Variants in PTCH1 observed in about 807,000 individuals in gnomAD.
The protein encoded by PTCH1 is patched 1.
PTCH1 carries 14 observed loss-of-function variants against 144.6 expected under a neutral mutation model. That is an observed-to-expected ratio of 0.10 (90% CI 0.06 to 0.15). The LOEUF (loss-of-function observed/expected upper bound fraction) is 0.15, where lower values mean the gene tolerates loss of function less well. Ranked by LOEUF, PTCH1 falls within the 10% of genes least tolerant of loss-of-function variation. The pLI, the probability that PTCH1 is intolerant of heterozygous loss-of-function variation, is 1.00. For synonymous variants in PTCH1, 833 were observed against 793.6 expected (o/e 1.05, Z -0.83); for missense variants, 1,623 against 1,948.3 (o/e 0.83, Z 3.14).
intron 2 of PTCH1, among the ~76,000 whole-genome samples, chr9:95,488,361 T>C (rs1481974019): frequency 2.0e-5 from 3 of 152,208 alleles, no homozygotes; most frequent in Non-Finnish European, 4.4e-5. Context: ...ACTATCATGA[T>C]AGGGTGGCCA....
At chr9:95,450,048 A>C in intron 20 of PTCH1, 108 bp from the exon 21 acceptor site, 2 of 989,978 alleles carry the variant, frequency 2.0e-6, no homozygotes, top group Non-Finnish European at 3.2e-6. Flanking sequence ...AACAAAACCC[A>C]CCCCACTGAA....
At position 95,473,821 on chromosome 9, in the gene PTCH1, C is replaced by T. The variant is rs374270768; in HGVS notation, c.1728+2213G>A. On this transcript the variant is annotated intron_variant, in intron 12 of 23. Coordinates refer to ENST00000331920, the MANE Select transcript of PTCH1 (RefSeq NM_000264.5). ...CCTCCCAAAGTGCTGGGATTACAGG[C>T]GTGAGCCACCGTGCGAAGCACTCCT... Among the ~76,000 whole-genome samples the T allele has an allele frequency of 2.2e-4, 33 of 152,286 alleles. No homozygotes were observed. The East Asian group carries it at 5.0e-3, about 23-fold the overall frequency.
chr9:95,510,777 T>G (rs1175240976), upstream of PTCH1, among the ~76,000 whole-genome samples: 3 of 148,030 alleles, frequency 2.0e-5, no homozygotes, highest in Non-Finnish European at 3.0e-5. Flanking sequence ...GAAACCCAGA[T>G]GGAGGGAAAG....
At chr9:95,457,596 T>C (rs1455870799) in intron 18 of PTCH1, among the ~76,000 whole-genome samples, 6 of 152,186 alleles carry the variant, frequency 3.9e-5, no homozygotes, top group African/African-American at 1.4e-4. Context: ...TCTCCATATA[T>C]CACTCTCCTA....
chr9:95,511,410 C>A (rs1333696378), upstream of PTCH1, among the ~76,000 whole-genome samples: 1 of 152,248 alleles, frequency 6.6e-6, no homozygotes, highest in African/African-American at 2.4e-5. Context: ...CCCCCTAACC[C>A]GCAAACCGTA....
intron 13 of PTCH1, 71 bp downstream of exon 13, chr9:95,469,742 C>T: frequency 7.2e-7 from 1 of 1,387,288 alleles, no homozygotes; most frequent in Admixed American, 1.7e-5. Flanking sequence ...TATAAGTCCA[C>T]AGGCTGAAAG....
At chr9:95,464,894 G>C (rs1360612260) in intron 15 of PTCH1, among the ~76,000 whole-genome samples, 2 of 152,136 alleles carry the variant, frequency 1.3e-5, no homozygotes, top group African/African-American at 4.8e-5. Flanking sequence ...CAACAGGCCT[G>C]AAAAACGTGT....
At chr9:95,484,040 G>A (rs1268593589) in intron 3 of PTCH1, 2 of 152,170 alleles carry the variant, frequency 1.3e-5, no homozygotes, top group African/African-American at 4.8e-5. Flanking sequence ...TGAACTACAT[G>A]TTCTTAAAGT....
At chr9:95,482,682 A>G (rs1248408444) in intron 3 of PTCH1, 4 of 206,798 alleles carry the variant, frequency 1.9e-5, no homozygotes, top group African/African-American at 4.8e-5. Context: ...AACCATTAAT[A>G]TTATAAACAA....
rs922685549 is a variant in PTCH1, at chr9:95,458,001, T to C, written c.3168+12A>G. 6.2e-7 allele frequency: 1 copy of C among 1,614,030 alleles called. No individual in the cohort carries two copies. The highest frequency in any genetic ancestry group is 1.7e-5 in the Admixed American group (1 of 60,024). ...AATTTGACTTCCACAAAGCCCCTTA[T>C]AATACACTCACAATGATCCCGGCCG... On this transcript the variant is annotated intron_variant, in intron 18 of 23. Transcript: ENST00000331920. This position sits in a 1 kb window ranked among gnomAD's most constrained non-coding sequence, Gnocchi z 4.7.
intron 19 of PTCH1, among the ~76,000 whole-genome samples, chr9:95,455,023 AG>A (rs1172812739): frequency 6.6e-6 from 1 of 152,212 alleles, no homozygotes; most frequent in Non-Finnish European, 1.5e-5. Context: ...TCCCTTTTGA[AG>A]AACTGTATTG....
intron 12 of PTCH1, among the ~76,000 whole-genome samples, chr9:95,475,273 A>G (rs1335020939): frequency 6.6e-6 from 1 of 152,130 alleles, no homozygotes; most frequent in Non-Finnish European, 1.5e-5. Flanking sequence ...ATTAGAAAAT[A>G]CCCTGACGGC....
At chr9:95,507,382 C>G in intron 1 of PTCH1, 2 of 985,482 alleles carry the variant, frequency 2.0e-6, no homozygotes, top group Non-Finnish European at 2.4e-6. Context: ...GCGCTGGCCG[C>G]GGCCCCGGCG....
Position 95,467,191 on chromosome 9 carries a change from C to T in PTCH1, c.2485G>A (p.Val829Met), listed in dbSNP as rs201125580. ...TTTTCTTCCAACATGACATACTTCACGTTACTGAAACTCCTGTGTAGGTCG... is the reference window on the plus strand; with the variant it reads ...TTTTCTTCCAACATGACATACTTCATGTTACTGAAACTCCTGTGTAGGTCG... The part of the protein sequence containing the change: ...LYDLHRSFSN[V>M]KYVMLEENKQ... Residue 829 changes from valine to methionine, a missense_variant, in exon 15 of 24, where the codon GTG becomes ATG. Physicochemically the swap from Val to Met is conservative, Grantham distance 21 (BLOSUM62 1). Coordinates refer to ENST00000331920, the MANE Select transcript of PTCH1 (RefSeq NM_000264.5). 340 of 1,614,194 alleles carry T rather than the reference C, an allele frequency of 2.1e-4. 2 individuals are homozygous for T. Among genetic ancestry groups the T allele is most frequent in the South Asian group, 5.8e-4 (53 of 91,080 alleles).
intron 19 of PTCH1, among the ~76,000 whole-genome samples, chr9:95,454,824 C>T (rs566880259): frequency 6.6e-6 from 1 of 152,202 alleles, no homozygotes; most frequent in African/African-American, 2.4e-5. Context: ...TGCAATTTCA[C>T]ATAGAGGATC....
intron 14 of PTCH1, 100 bp from the exon 15 acceptor site, chr9:95,467,525 A>T: frequency 8.5e-7 from 1 of 1,173,480 alleles, no homozygotes; most frequent in East Asian, 2.5e-5. Flanking sequence ...TCACCACCAC[A>T]CTTAAACTGA....
At chr9:95,450,192 AGTTT>A in intron 20 of PTCH1, 1 of 521,888 alleles carries the variant, frequency 1.9e-6, no homozygotes, top group Non-Finnish European at 3.5e-6. Flanking sequence ...AAAAAAAATT[AGTTT>A]GTTAATTTGC....
intron 2 of PTCH1, among the ~76,000 whole-genome samples, chr9:95,494,573 C>A: frequency 6.6e-6 from 1 of 152,188 alleles, no homozygotes. Flanking sequence ...CAGGTGCAAC[C>A]AGGCCGCTCA....
chr9:95,446,710 G>T, intron 23 of PTCH1: 1 of 678,746 alleles, frequency 1.5e-6, no homozygotes, highest in Non-Finnish European at 2.6e-6. Context: ...GAAGAGAGCA[G>T]TGTGGAGCTG....
Sources: gnomAD v4.1 joint callset for allele counts (sites outside exome capture counted in the v4.1 genomes callset) on GRCh38, gnomAD v4.1.1 for gene constraint, Gnocchi (gnomAD v3.1) non-coding constraint, MANE v1.5 for transcripts, NCBI Gene and HGNC (gene_info 2026-07-23, HGNC 2026-07-21) for gene names.